Variants in PPP2R3B observed in about 807,000 individuals in gnomAD.
PPP2R3B encodes protein phosphatase 2 regulatory subunit B''beta.
In PPP2R3B, 68 loss-of-function variants were observed where a neutral mutation model predicts 72.9. That is an observed-to-expected ratio of 0.93 (90% CI 0.77 to 1.14). The LOEUF (loss-of-function observed/expected upper bound fraction) is 1.14. Ranked by LOEUF, PPP2R3B falls within the 50% of genes most tolerant of loss-of-function variation. PPP2R3B has a pLI of 0.00. For missense variants in PPP2R3B, 1,018 were observed against 842.0 expected, an observed-to-expected ratio of 1.21 and a Z score of -2.59; for synonymous variants, 466 against 375.8, an observed-to-expected ratio of 1.24 and a Z score of -2.78.
At chrX:385,212 T>C (rs1399661257) in intron 1 of PPP2R3B, among the ~76,000 whole-genome samples, 2 of 151,876 alleles carry the variant, frequency 1.3e-5, no homozygotes, top group Non-Finnish European at 2.9e-5. Flanking sequence ...CCTTGGTGAA[T>C]ATCCATAGCT....
At chrX:345,714 G>C in intron 6 of PPP2R3B, 42 bp from the exon 7 acceptor site, 2 of 1,602,282 alleles carry the variant, frequency 1.2e-6, no homozygotes. Context: ...GGCCTCTGCG[G>C]GGATGCCCCA....
At chrX:363,603 G>C (rs867719491) in intron 1 of PPP2R3B, among the ~76,000 whole-genome samples, 1 of 4,056 alleles carries the variant, frequency 2.5e-4, no homozygotes, top group Non-Finnish European at 5.8e-4. Context: ...CCCCGTGCCC[G>C]CAATCCCACA....
intron 1 of PPP2R3B, chrX:373,893 C>G (rs1395148063): frequency 2.0e-5 from 3 of 153,108 alleles, no homozygotes; most frequent in Non-Finnish European, 4.4e-5. Context: ...TGTGCAGACC[C>G]GGCTGCTCCC....
chrX:381,593 CTTTTT>C (rs950950107), intron 1 of PPP2R3B, among the ~76,000 whole-genome samples: 6 of 95,056 alleles, frequency 6.3e-5, no homozygotes, highest in Non-Finnish European at 1.0e-4. Context: ...ACAAGCTCAT[CTTTTT>C]TTTTTTTTTT....
Position 345,597 on chromosome X carries a change from T to A in PPP2R3B, c.955A>T (p.Ile319Phe). ...TCCAGCTCCCAGAACTTGCAGTAGA[T>A]GACGTAGAAATGCTCGTACGAGAAG... ...EFFSYEHFYVIYCKFWELDTD... is the reference protein window; with the variant it reads ...EFFSYEHFYVFYCKFWELDTD... The change falls in exon 7 of 13, where the codon ATC (isoleucine) becomes TTC (phenylalanine). Residue 319 changes from isoleucine to phenylalanine, a missense_variant. By Grantham distance (21) the Ile-to-Phe change is conservative. Coordinates refer to ENST00000390665, the MANE Select transcript of PPP2R3B (RefSeq NM_013239.5). The A allele has an allele frequency of 6.2e-7, 1 of 1,613,178 alleles. No homozygotes were observed. Among genetic ancestry groups the A allele is most frequent in the Non-Finnish European group, 8.5e-7 (1 of 1,179,516 alleles).
intron 12 of PPP2R3B, 25 bp from the exon 13 acceptor site, chrX:334,542 G>T: frequency 6.6e-7 from 1 of 1,511,746 alleles, no homozygotes; most frequent in East Asian, 2.4e-5. Flanking sequence ...TGGCGAAGAC[G>T]TGGCCAGCAG....
chrX:374,176 G>GC (rs2071938330), intron 1 of PPP2R3B: 1 of 152,298 alleles, frequency 6.6e-6, no homozygotes. Context: ...GAGAGCCTGG[G>GC]GACGGCCTCG....
At chrX:351,343 ACC>A (rs760714630) in intron 2 of PPP2R3B, among the ~76,000 whole-genome samples, 1 of 151,904 alleles carries the variant, frequency 6.6e-6, no homozygotes, top group Non-Finnish European at 1.5e-5. Context: ...CAGGTTTCAA[ACC>A]CCAAGCGCTC....
intron 1 of PPP2R3B, among the ~76,000 whole-genome samples, chrX:378,598 A>G (rs1395056521): frequency 6.6e-6 from 1 of 152,210 alleles, no homozygotes; most frequent in Non-Finnish European, 1.5e-5. Context: ...CCCTGTTTCA[A>G]AGGCCCTGAG....
intron 2 of PPP2R3B, among the ~76,000 whole-genome samples, chrX:355,514 C>T (rs753903836): frequency 3.3e-4 from 51 of 152,274 alleles, no homozygotes; most frequent in African/African-American, 9.6e-4. Flanking sequence ...GAACGAACAA[C>T]GGTGCAGCCA....
intron 1 of PPP2R3B, among the ~76,000 whole-genome samples, chrX:380,928 C>T (rs977681036): frequency 8.6e-5 from 13 of 150,330 alleles, no homozygotes; most frequent in South Asian, 4.2e-4. Flanking sequence ...TCGATACTGG[C>T]GTTTTCTTTC....
chrX:359,969 T>G (rs968244406), intron 2 of PPP2R3B: 11 of 388,778 alleles, frequency 2.8e-5, no homozygotes, highest in Non-Finnish European at 5.0e-5. Context: ...TTTAAAATAC[T>G]TTAAAAACAC....
At chrX:342,506 G>C (rs1161197267) in intron 7 of PPP2R3B, among the ~76,000 whole-genome samples, 1 of 88,478 alleles carries the variant, frequency 1.1e-5, no homozygotes, top group Non-Finnish European at 2.1e-5. Context: ...TCGCCAACGG[G>C]AGGCGGGAGG....
At chrX:383,834 T>A (rs1353729822) in intron 1 of PPP2R3B, among the ~76,000 whole-genome samples, 2 of 41,758 alleles carry the variant, frequency 4.8e-5, no homozygotes, top group East Asian at 7.8e-4. Context: ...CGAGACTCCG[T>A]CTCAAAAAAA....
intron 2 of PPP2R3B, among the ~76,000 whole-genome samples, chrX:356,076 TGAG>T (rs1412130687): frequency 6.6e-6 from 1 of 151,704 alleles, no homozygotes; most frequent in Non-Finnish European, 1.5e-5. Flanking sequence ...ATCAGGGAAA[TGAG>T]GAGTGCAGCC....
In PPP2R3B at chrX:338,591, C is replaced by T. The variant is rs1349894755; in HGVS notation, c.1577+13G>A. 3.8e-6 allele frequency: 6 copies of T among 1,589,058 alleles called. No individual in the cohort carries two copies. Among genetic ancestry groups the T allele is most frequent in the Non-Finnish European group, 4.3e-6 (5 of 1,168,330 alleles). ...CTGACCCGTCCCCCCACTCACCCGTCCTCCCCACTCACCCGTCCTCCCAGG... is the reference window on the plus strand; with the variant it reads ...CTGACCCGTCCCCCCACTCACCCGTTCTCCCCACTCACCCGTCCTCCCAGG... On this transcript the variant is annotated intron_variant, in intron 12 of 12. Coordinates refer to ENST00000390665, the MANE Select transcript of PPP2R3B (RefSeq NM_013239.5).
At chrX:382,169 T>C (rs2124421530) in intron 1 of PPP2R3B, among the ~76,000 whole-genome samples, 1 of 151,212 alleles carries the variant, frequency 6.6e-6, no homozygotes, top group Non-Finnish European at 1.5e-5. Context: ...TCCCTCAACG[T>C]GACCTGAACA....
At chrX:342,214 C>A in intron 7 of PPP2R3B, 1 of 581,816 alleles carries the variant, frequency 1.7e-6, no homozygotes, top group Non-Finnish European at 3.1e-6. Context: ...CTCAAAGGTA[C>A]AGCTTTCAGA....
intron 1 of PPP2R3B, among the ~76,000 whole-genome samples, chrX:382,055 T>C (rs1005017340): frequency 5.3e-5 from 8 of 152,204 alleles, no homozygotes; most frequent in African/African-American, 1.9e-4. Context: ...TTGAAAATTC[T>C]TGCCATCTCC....
Sources: gnomAD v4.1 joint callset for allele counts (sites outside exome capture counted in the v4.1 genomes callset) on GRCh38, gnomAD v4.1.1 for gene constraint, MANE v1.5 for transcripts, NCBI Gene and HGNC (gene_info 2026-07-23, HGNC 2026-07-21) for gene names.